Variants in SUPT3H observed in about 807,000 individuals in gnomAD.
SUPT3H encodes the protein SPT3 homolog, SAGA and STAGA complex component, also known as transcription initiation protein SPT3 homolog.
In SUPT3H, 44 loss-of-function variants were observed where a neutral mutation model predicts 44.3. That is an observed-to-expected ratio of 0.99 (90% confidence interval 0.78 to 1.28). The LOEUF (loss-of-function observed/expected upper bound fraction) is 1.28, where lower values mean the gene tolerates loss of function less well. SUPT3H is among the 50% of genes most tolerant of loss of function. The pLI is 0.00. For missense variants in SUPT3H, 380 were observed against 387.1 expected (o/e 0.98, Z 0.15); for synonymous variants, 124 against 125.6 (o/e 0.99, Z 0.09).
intron 6 of SUPT3H, among the ~76,000 whole-genome samples, chr6:44,971,964 C>T (rs1044875510): frequency 2.0e-5 from 3 of 151,946 alleles, no homozygotes; most frequent in Non-Finnish European, 2.9e-5. Context: ...TTAGTAGAGA[C>T]GGGGTTTCAC....
chr6:45,084,170 C>A (rs1269231202), intron 3 of SUPT3H, among the ~76,000 whole-genome samples: 1 of 152,104 alleles, frequency 6.6e-6, no homozygotes, highest in African/African-American at 2.4e-5. Context: ...AGAGCTTCTG[C>A]ACAGCAAAAG....
At chr6:45,315,301 A>G (rs775939292) in intron 2 of SUPT3H, among the ~76,000 whole-genome samples, 1 of 152,118 alleles carries the variant, frequency 6.6e-6, no homozygotes. Context: ...CTAATTAAAG[A>G]GCTTTTGCAT....
intron 2 of SUPT3H, among the ~76,000 whole-genome samples, chr6:45,241,213 C>G (rs574646937): frequency 7.0e-6 from 1 of 142,380 alleles, no homozygotes. Flanking sequence ...CAGGCCCCCC[C>G]CCAAATCTTG....
intron 4 of SUPT3H, among the ~76,000 whole-genome samples, chr6:45,019,369 G>A (rs1784784555): frequency 6.6e-6 from 1 of 151,902 alleles, no homozygotes; most frequent in South Asian, 2.1e-4. Flanking sequence ...TCTGATTTTA[G>A]TTATTTCTTG....
chr6:44,922,790 C>T (rs1272923136), intron 10 of SUPT3H, among the ~76,000 whole-genome samples: 2 of 152,062 alleles, frequency 1.3e-5, no homozygotes, highest in Non-Finnish European at 2.9e-5. Context: ...CTTCTTGTTT[C>T]TTCATAGACT....
chr6:44,945,668 G>A (rs1773226165), intron 9 of SUPT3H, among the ~76,000 whole-genome samples: 2 of 152,104 alleles, frequency 1.3e-5, no homozygotes, highest in African/African-American at 4.8e-5. Context: ...GGCCAAGAGA[G>A]ATGAGAAACA....
At chr6:45,374,270 A>G (rs1796481253) in intron 1 of SUPT3H, among the ~76,000 whole-genome samples, 1 of 152,222 alleles carries the variant, frequency 6.6e-6, no homozygotes, top group South Asian at 2.1e-4. Flanking sequence ...GAACATTATT[A>G]TCACTTCTAG....
intron 10 of SUPT3H, among the ~76,000 whole-genome samples, chr6:44,851,585 G>A (rs989494653): frequency 2.0e-5 from 3 of 152,298 alleles, no homozygotes; most frequent in South Asian, 4.1e-4. Flanking sequence ...TCTCCTTGGA[G>A]AAACTTGTCA....
At chr6:45,325,382 CAT>C (rs1383073625) in intron 2 of SUPT3H, among the ~76,000 whole-genome samples, 3 of 151,814 alleles carry the variant, frequency 2.0e-5, no homozygotes, top group African/African-American at 7.2e-5. Flanking sequence ...TGAAGACACA[CAT>C]AGCATTTAAA....
chr6:45,228,461 C>A (rs377486004), intron 2 of SUPT3H, among the ~76,000 whole-genome samples: 2 of 151,738 alleles, frequency 1.3e-5, no homozygotes, highest in African/African-American at 4.9e-5. Flanking sequence ...GAAACATTGC[C>A]TTTTCCTGGT....
chr6:45,066,581 A>G (rs1793371403), intron 3 of SUPT3H, among the ~76,000 whole-genome samples: 3 of 103,758 alleles, frequency 2.9e-5, no homozygotes, highest in African/African-American at 1.2e-4. Flanking sequence ...TCAGCCCAAA[A>G]TCTCCTTAAG....
intron 2 of SUPT3H, among the ~76,000 whole-genome samples, chr6:45,211,649 G>A (rs774043009): frequency 3.3e-5 from 5 of 151,954 alleles, no homozygotes; most frequent in African/African-American, 4.8e-5. Flanking sequence ...AAGAGATCGA[G>A]ACCATCCTGG....
chr6:44,851,581 TG>T (rs1772891967), intron 10 of SUPT3H, among the ~76,000 whole-genome samples: 3 of 152,332 alleles, frequency 2.0e-5, no homozygotes, highest in South Asian at 4.2e-4. Flanking sequence ...TAGGTCTCCT[TG>T]GAGAAACTTG....
At chr6:44,867,602 T>C (rs17422261) in intron 10 of SUPT3H, among the ~76,000 whole-genome samples, 2,379 of 152,180 alleles carry the variant, frequency 0.016, 33 homozygotes, top group South Asian at 0.031. Context: ...CCATCCCCAA[T>C]GCGGACTTAG....
Position 45,062,858 on chromosome 6 carries a change from C to T in SUPT3H, c.187-42226G>A, listed in dbSNP as rs1792398821. Among the ~76,000 whole-genome samples, 3 of 152,070 alleles carry T rather than the reference C, an allele frequency of 2.0e-5. 1 individual carries two copies. Among genetic ancestry groups the T allele is most frequent in the Admixed American group, 1.3e-4 (2 of 15,282 alleles). On this transcript the variant is annotated intron_variant, in intron 3 of 10. Coordinates refer to ENST00000371459, the MANE Select transcript of SUPT3H (RefSeq NM_003599.4). Reference sequence around the variant, plus strand: ...GCTAGCACAGCAGTCTGAGATCAAACTGCAAGGCGGCAGCGAGGCTGGGGG... The same window carrying T: ...GCTAGCACAGCAGTCTGAGATCAAATTGCAAGGCGGCAGCGAGGCTGGGGG...
intron 2 of SUPT3H, chr6:45,323,082 G>T: frequency 1.6e-6 from 1 of 624,512 alleles, no homozygotes; most frequent in Non-Finnish European, 2.7e-6. Context: ...TGCCGGTTGT[G>T]AAACAAAACA....
intron 2 of SUPT3H, among the ~76,000 whole-genome samples, chr6:45,179,367 A>C (rs553221640): frequency 8.4e-4 from 128 of 152,306 alleles, no homozygotes; most frequent in African/African-American, 2.5e-3. Context: ...AATCCTCCCT[A>C]ACTCATTTTA....
chr6:45,340,470 C>T (rs1271413864), intron 2 of SUPT3H, among the ~76,000 whole-genome samples: 2 of 151,882 alleles, frequency 1.3e-5, no homozygotes, highest in Admixed American at 6.6e-5. Flanking sequence ...ACTACAGGCA[C>T]GCACCACCAC....
chr6:44,950,307 T>C (rs1197745125), intron 9 of SUPT3H, among the ~76,000 whole-genome samples: 4 of 152,206 alleles, frequency 2.6e-5, no homozygotes, highest in Non-Finnish European at 5.9e-5. Flanking sequence ...AAAAATTCCT[T>C]ATCAGTCACA....
Sources: gnomAD v4.1 joint callset for allele counts (sites outside exome capture counted in the v4.1 genomes callset) on GRCh38, gnomAD v4.1.1 for gene constraint, MANE v1.5 for transcripts, NCBI Gene and HGNC (gene_info 2026-07-23, HGNC 2026-07-21) for gene names.